SERGEF: variants seen among roughly 807,000 people sequenced by gnomAD.
SERGEF encodes secretion regulating guanine nucleotide exchange factor.
A neutral mutation model predicts 50.0 loss-of-function variants in SERGEF; 51 were observed. That is an observed-to-expected ratio of 1.02 (90% CI 0.81 to 1.29). The LOEUF (loss-of-function observed/expected upper bound fraction) is 1.29. Ranked by LOEUF, SERGEF falls within the 50% of genes most tolerant of loss-of-function variation. SERGEF has a pLI of 0.00. For synonymous variants in SERGEF, 205 were observed against 212.4 expected (o/e 0.97, Z 0.30); for missense variants, 521 against 557.0 (o/e 0.94, Z 0.65).
intron 10 of SERGEF, among the ~76,000 whole-genome samples, chr11:17,829,164 G>A (rs915659296): frequency 6.6e-6 from 1 of 152,212 alleles, no homozygotes; most frequent in Non-Finnish European, 1.5e-5. Flanking sequence ...TTGAGGCCTG[G>A]CTCTGCTACT....
At chr11:18,009,967 G>C (rs963861807) in intron 1 of SERGEF, 2 of 392,490 alleles carry the variant, frequency 5.1e-6, no homozygotes, top group African/African-American at 2.1e-5. Context: ...AGTAAGTTTT[G>C]GGTTTTCAGA....
intron 10 of SERGEF, among the ~76,000 whole-genome samples, chr11:17,869,733 CACAA>C (rs1851102977): frequency 6.6e-6 from 1 of 152,116 alleles, no homozygotes; most frequent in Non-Finnish European, 1.5e-5. Flanking sequence ...TTTTGAAAGA[CACAA>C]ACATTCAGAC....
chr11:17,976,639 G>A (rs542625684), intron 8 of SERGEF, among the ~76,000 whole-genome samples: 151 of 151,972 alleles, frequency 9.9e-4, no homozygotes, highest in Non-Finnish European at 2.0e-3. Flanking sequence ...GATAGGCAAG[G>A]TCCCCTGAGA....
chr11:17,905,699 C>T (rs746932248), intron 9 of SERGEF, among the ~76,000 whole-genome samples: 4 of 152,080 alleles, frequency 2.6e-5, no homozygotes, highest in African/African-American at 9.7e-5. Flanking sequence ...TTTCAGAGAC[C>T]CATTAGAAAT....
intron 10 of SERGEF, among the ~76,000 whole-genome samples, chr11:17,831,573 G>A (rs565993896): frequency 6.6e-6 from 1 of 152,222 alleles, no homozygotes. Context: ...GAGCTGGAAG[G>A]CCAGGTTCTG....
chr11:17,844,474 C>T (rs1431310148), intron 10 of SERGEF, among the ~76,000 whole-genome samples: 1 of 152,132 alleles, frequency 6.6e-6, no homozygotes, highest in Non-Finnish European at 1.5e-5. Context: ...CACCTCTTTC[C>T]TAGGCAGTCA....
chr11:17,863,279 AAAAAAGTTT>A (rs1406465343), intron 10 of SERGEF, among the ~76,000 whole-genome samples: 4 of 152,250 alleles, frequency 2.6e-5, no homozygotes, highest in African/African-American at 7.2e-5. Context: ...CTTTAACGAA[AAAAAAGTTT>A]TATCTGCTAT....
chr11:17,801,565 A>G lies in SERGEF; in HGVS notation c.1049-13152T>C, dbSNP rs112008127. 2.5e-3 allele frequency among the ~76,000 whole-genome samples: 380 copies of G among 152,334 alleles called. 2 individuals carry two copies. Among genetic ancestry groups the G allele is most frequent in the African/African-American group, 8.8e-3 (368 of 41,584 alleles). On this transcript the variant is annotated intron_variant, in intron 10 of 10. Coordinates refer to ENST00000265965, the MANE Select transcript of SERGEF (RefSeq NM_012139.4). The stretch of plus-strand genomic sequence containing the variant: ...GGAATTAAAACTGATTCCTTGAGCA[A>G]TGAGTGGATGGTAGTGCTATTTATG...
At chr11:18,012,786 C>CCCAACA in intron 1 of SERGEF, 165 bp downstream of exon 1, 1 of 1,158,444 alleles carries the variant, frequency 8.6e-7, no homozygotes, top group Non-Finnish European at 1.2e-6. Context: ...CCCGCCCGCC[C>CCCAACA]GCTCCTCCTC....
chr11:17,922,289 ACACT>A (rs1197938052), intron 9 of SERGEF, among the ~76,000 whole-genome samples: 1 of 152,178 alleles, frequency 6.6e-6, no homozygotes, highest in Non-Finnish European at 1.5e-5. Context: ...CAGATCACAC[ACACT>A]CACAGAGAGG....
intron 9 of SERGEF, among the ~76,000 whole-genome samples, chr11:17,928,053 T>C (rs1434631770): frequency 6.6e-6 from 1 of 152,224 alleles, no homozygotes; most frequent in Non-Finnish European, 1.5e-5. Flanking sequence ...ATTTGAAGTC[T>C]TTAGATAAAA....
intron 8 of SERGEF, among the ~76,000 whole-genome samples, chr11:17,963,678 G>A (rs958328101): frequency 2.0e-5 from 3 of 152,108 alleles, no homozygotes; most frequent in African/African-American, 7.2e-5. Context: ...GAGCCAACAC[G>A]CCTGACGTCT....
chr11:17,956,086 T>C (rs1852864422), intron 9 of SERGEF, among the ~76,000 whole-genome samples: 1 of 152,072 alleles, frequency 6.6e-6, no homozygotes, highest in Admixed American at 6.6e-5. Context: ...GTATCTAAGG[T>C]AAAACTGACA....
chr11:17,931,438 G>A (rs2133947872), intron 9 of SERGEF, among the ~76,000 whole-genome samples: 1 of 152,246 alleles, frequency 6.6e-6, no homozygotes, highest in African/African-American at 2.4e-5. Context: ...TCCTGGGCCT[G>A]CTGCCTTGCA....
intron 8 of SERGEF, among the ~76,000 whole-genome samples, chr11:17,974,144 C>T (rs938415936): frequency 1.3e-5 from 2 of 152,140 alleles, no homozygotes; most frequent in Non-Finnish European, 2.9e-5. Context: ...GGGACGGCCA[C>T]CTTTCCCTTC....
chr11:17,826,545 A>C (rs1323866554), intron 10 of SERGEF, among the ~76,000 whole-genome samples: 1 of 152,182 alleles, frequency 6.6e-6, no homozygotes, highest in African/African-American at 2.4e-5. Context: ...AGTGGGAGTT[A>C]CTGTTTAATA....
chr11:17,789,058 A>T (rs560147022), intron 10 of SERGEF, among the ~76,000 whole-genome samples: 1 of 152,280 alleles, frequency 6.6e-6, no homozygotes, highest in East Asian at 1.9e-4. Context: ...CCCTCTTTGC[A>T]TGCAGAACCC....
At chr11:17,882,815 C>G (rs1451393169) in intron 9 of SERGEF, among the ~76,000 whole-genome samples, 1 of 152,202 alleles carries the variant, frequency 6.6e-6, no homozygotes, top group Non-Finnish European at 1.5e-5. Context: ...TAGAAGGATA[C>G]AGCATGAAGA....
chr11:17,929,230 A>G (rs1383687571), intron 9 of SERGEF, among the ~76,000 whole-genome samples: 2 of 152,188 alleles, frequency 1.3e-5, no homozygotes, highest in Non-Finnish European at 2.9e-5. Flanking sequence ...TGCCCCCAAG[A>G]AAAAACTCCT....
Sources: allele counts gnomAD v4.1 joint callset (sites outside exome capture counted in the v4.1 genomes callset), GRCh38; gene constraint gnomAD v4.1.1; transcripts MANE v1.5; gene names NCBI Gene and HGNC (gene_info 2026-07-23, HGNC 2026-07-21).